Variants in EBF1 observed in about 807,000 individuals in gnomAD.
The protein encoded by EBF1 is transcription factor COE1.
EBF1 carries 10 observed loss-of-function variants against 68.4 expected under a neutral mutation model. The observed-to-expected ratio is 0.15, with a 90% CI of 0.09 to 0.25. EBF1 has a LOEUF of 0.25. Ranked by LOEUF, EBF1 falls within the 10% of genes least tolerant of loss-of-function variation. EBF1 has a pLI of 1.00. For synonymous variants in EBF1, 298 were observed against 299.8 expected, an observed-to-expected ratio of 0.99 and a Z score of 0.06; for missense variants, 509 against 794.4, an observed-to-expected ratio of 0.64 and a Z score of 4.32.
At chr5:158,852,751 G>A (rs1793209376) in intron 6 of EBF1, among the ~76,000 whole-genome samples, 1 of 152,166 alleles carries the variant, frequency 6.6e-6, no homozygotes, top group Non-Finnish European at 1.5e-5. Context: ...ATATCATAAG[G>A]ATGCTGATGG....
At chr5:158,758,936 G>A (rs1374834764) in intron 10 of EBF1, among the ~76,000 whole-genome samples, 1 of 152,128 alleles carries the variant, frequency 6.6e-6, no homozygotes, top group Non-Finnish European at 1.5e-5. Context: ...GAATCATCCA[G>A]CTTCATAATG....
intron 6 of EBF1, among the ~76,000 whole-genome samples, chr5:159,057,858 T>C (rs1182956213): frequency 6.6e-6 from 1 of 152,232 alleles, no homozygotes; most frequent in Non-Finnish European, 1.5e-5. Context: ...AAGCTATTCA[T>C]TCTCCATATT....
intron 4 of EBF1, among the ~76,000 whole-genome samples, chr5:159,091,905 G>A (rs1179739605): frequency 6.6e-6 from 1 of 152,108 alleles, no homozygotes; most frequent in African/African-American, 2.4e-5. Context: ...TGCTTCTCAA[G>A]CAGGCTTTTG....
intron 6 of EBF1, among the ~76,000 whole-genome samples, chr5:159,030,497 C>T (rs1288813966): frequency 6.6e-6 from 1 of 152,120 alleles, no homozygotes; most frequent in Non-Finnish European, 1.5e-5. Flanking sequence ...GGACAGATTC[C>T]CTCCAGAGGA....
intron 15 of EBF1, among the ~76,000 whole-genome samples, chr5:158,704,554 G>A (rs1183915244): frequency 6.6e-6 from 1 of 151,788 alleles, no homozygotes; most frequent in African/African-American, 2.4e-5. Flanking sequence ...CTGTAACATT[G>A]AAAAGGAAAA....
rs1323278757 is a variant in EBF1, at chr5:158,869,099, T to C, written c.555-28989A>G. Among the ~76,000 whole-genome samples, 3 of 152,170 alleles carry C rather than the reference T, an allele frequency of 2.0e-5. No homozygotes were observed. In the East Asian group the frequency reaches 5.8e-4, roughly 29 times the overall value. On this transcript the variant is annotated intron_variant, in intron 6 of 15. Transcript: ENST00000313708. ...CAGGAAAAAGGCACTTGGTTTAGGG[T>C]GTGTACGTGTGTGTATGTGTGTAAA... is the stretch of plus-strand genomic sequence containing the variant.
At position 158,991,893 on chromosome 5, in the gene EBF1, T is replaced by C. The variant is rs115218956; in HGVS notation, c.554+81503A>G. On this transcript the variant is annotated intron_variant, in intron 6 of 15. Transcript: ENST00000313708. ...CCTCCCTGCCTGCCCATTTCACCCCTCTCCAATGTTTTTGCAACACATTTT... is the reference window on the plus strand; with the variant it reads ...CCTCCCTGCCTGCCCATTTCACCCCCCTCCAATGTTTTTGCAACACATTTT... Among the ~76,000 whole-genome samples, 632 of 152,192 alleles carry C rather than the reference T, an allele frequency of 4.2e-3. 3 individuals are homozygous for C. Among genetic ancestry groups the C allele is most frequent in the African/African-American group, 0.014 (579 of 41,516 alleles).
intron 6 of EBF1, among the ~76,000 whole-genome samples, chr5:158,916,245 T>A (rs1429631060): frequency 1.3e-5 from 2 of 152,140 alleles, no homozygotes; most frequent in South Asian, 4.1e-4. Flanking sequence ...AGTGACCCTG[T>A]CATGGATATC....
At chr5:158,847,874 A>C (rs1791839675) in intron 6 of EBF1, among the ~76,000 whole-genome samples, 1 of 152,226 alleles carries the variant, frequency 6.6e-6, no homozygotes, top group South Asian at 2.1e-4. Flanking sequence ...GGTTTTGAGC[A>C]AAGGTATCAG....
At chr5:158,824,068 CAAT>C (rs1471223928) in intron 7 of EBF1, among the ~76,000 whole-genome samples, 2 of 152,120 alleles carry the variant, frequency 1.3e-5, no homozygotes, top group African/African-American at 2.4e-5. Flanking sequence ...TTGACTAAAA[CAAT>C]GAGAAGAAAT....
At chr5:158,846,154 C>T (rs959885156) in intron 6 of EBF1, among the ~76,000 whole-genome samples, 9 of 152,172 alleles carry the variant, frequency 5.9e-5, no homozygotes, top group African/African-American at 9.7e-5. Context: ...ATTCAGGACA[C>T]GGAGACTTGC....
chr5:158,988,886 A>G (rs1759690135), intron 6 of EBF1, among the ~76,000 whole-genome samples: 1 of 152,206 alleles, frequency 6.6e-6, no homozygotes, highest in Non-Finnish European at 1.5e-5. Context: ...TTAAACCTTC[A>G]AAGGGGCCTT....
intron 10 of EBF1, among the ~76,000 whole-genome samples, chr5:158,754,493 T>A (rs1425721639): frequency 6.6e-6 from 1 of 152,156 alleles, no homozygotes; most frequent in Non-Finnish European, 1.5e-5. Flanking sequence ...CTCCAAAGCT[T>A]CAATAACATA....
At chr5:159,079,831 T>C (rs1779441091) in intron 5 of EBF1, among the ~76,000 whole-genome samples, 1 of 152,008 alleles carries the variant, frequency 6.6e-6, no homozygotes, top group Non-Finnish European at 1.5e-5. Flanking sequence ...GCCAGACTGG[T>C]CTTGAACTCT....
At chr5:158,902,595 TTTA>T (rs60535761) in intron 6 of EBF1, among the ~76,000 whole-genome samples, 3,442 of 147,136 alleles carry the variant, frequency 0.023, 75 homozygotes, top group Admixed American at 0.067. Context: ...CCTGAATAAT[TTTA>T]TTATTATTAT....
intron 5 of EBF1, 163 bp from the exon 6 acceptor site, chr5:159,073,627 C>T (rs1778222472): frequency 9.9e-6 from 7 of 708,248 alleles, no homozygotes; most frequent in South Asian, 7.2e-5. Context: ...ATTTGGGTCA[C>T]CTATGGGTTA....
intron 6 of EBF1, among the ~76,000 whole-genome samples, chr5:159,007,736 C>T (rs930946492): frequency 3.3e-5 from 5 of 152,128 alleles, no homozygotes; most frequent in African/African-American, 1.2e-4. Flanking sequence ...CTTAAATATG[C>T]ATTTATTCTC....
At chr5:159,083,295 A>C (rs777180597) in intron 5 of EBF1, among the ~76,000 whole-genome samples, 3 of 152,234 alleles carry the variant, frequency 2.0e-5, no homozygotes, top group Non-Finnish European at 2.9e-5. Context: ...CAATTCTGAA[A>C]GGTGCAACTC....
chr5:158,732,252 G>T (rs74564391), intron 10 of EBF1, among the ~76,000 whole-genome samples: 3 of 152,094 alleles, frequency 2.0e-5, no homozygotes, highest in Admixed American at 2.0e-4. Flanking sequence ...GTTGCCACAC[G>T]TTTTGCTTAA....
Sources: gnomAD v4.1 joint callset for allele counts (sites outside exome capture counted in the v4.1 genomes callset) on GRCh38, gnomAD v4.1.1 for gene constraint, MANE v1.5 for transcripts, NCBI Gene and HGNC (gene_info 2026-07-23, HGNC 2026-07-21) for gene names.